The following PTPRT variants were observed in gnomAD, a reference collection of about 807,000 sequenced individuals.
PTPRT encodes receptor-type tyrosine-protein phosphatase T.
Under a neutral mutation model 176.8 loss-of-function variants are expected in PTPRT, and 56 were observed. The observed-to-expected ratio is 0.32, with a 90% CI of 0.26 to 0.40. The LOEUF (loss-of-function observed/expected upper bound fraction) is 0.40, where lower values mean the gene tolerates loss of function less well. PTPRT is among the 10% of genes least tolerant of loss of function. PTPRT has a pLI of 1.00. For synonymous variants in PTPRT, 783 were observed against 739.0 expected, an observed-to-expected ratio of 1.06 and a Z score of -0.96; for missense variants, 1,540 against 1,908.2, an observed-to-expected ratio of 0.81 and a Z score of 3.60.
In PTPRT at chr20:42,118,383, C is replaced by A. The variant is rs370382955; in HGVS notation, c.2982+20G>T. 15 of 1,587,782 alleles carry A rather than the reference C, an allele frequency of 9.4e-6. No homozygotes were observed. The highest frequency in any genetic ancestry group is 3.4e-5 in the Admixed American group (2 of 58,224). On this transcript the variant is annotated intron_variant, in intron 21 of 30. Transcript: ENST00000373187. ...GCATCTCCAGCATCCTCTGCCCAGG[C>A]GAGTGCAGGAGAGGCTTACCCTGCC...
intron 15 of PTPRT, among the ~76,000 whole-genome samples, chr20:42,231,085 C>A (rs1490392850): frequency 6.6e-6 from 1 of 152,220 alleles, no homozygotes; most frequent in East Asian, 1.9e-4. Flanking sequence ...ATCCCCAGGA[C>A]AGCAGAGACA....
intron 29 of PTPRT, among the ~76,000 whole-genome samples, chr20:42,083,598 G>A (rs1983574916): frequency 6.6e-6 from 1 of 152,172 alleles, no homozygotes; most frequent in Non-Finnish European, 1.5e-5. Context: ...CCTAACATGT[G>A]CATGCACCAC....
intron 6 of PTPRT, among the ~76,000 whole-genome samples, chr20:42,698,374 A>G (rs1342624648): frequency 2.0e-5 from 3 of 152,088 alleles, no homozygotes; most frequent in African/African-American, 7.2e-5. Context: ...TGCTTACAGG[A>G]CCCCTCTGAA....
At chr20:43,176,708 C>A (rs977936095) in intron 1 of PTPRT, among the ~76,000 whole-genome samples, 4 of 152,160 alleles carry the variant, frequency 2.6e-5, no homozygotes, top group Admixed American at 2.6e-4. Flanking sequence ...CCCCTGTTTT[C>A]TTTCCACAGA....
intron 13 of PTPRT, among the ~76,000 whole-genome samples, chr20:42,261,974 A>G (rs1167947472): frequency 2.0e-5 from 3 of 152,186 alleles, no homozygotes; most frequent in Non-Finnish European, 4.4e-5. Context: ...CAGGCAATCT[A>G]TAGGAAGGAT....
chr20:42,361,200 G>T (rs1336482191), intron 9 of PTPRT, among the ~76,000 whole-genome samples: 1 of 152,158 alleles, frequency 6.6e-6, no homozygotes, highest in Non-Finnish European at 1.5e-5. Flanking sequence ...TGCCAAGCAA[G>T]CCCAGAAGCT....
chr20:42,750,278 A>G (rs1043527688), intron 6 of PTPRT, among the ~76,000 whole-genome samples: 1 of 152,158 alleles, frequency 6.6e-6, no homozygotes, highest in Non-Finnish European at 1.5e-5. Context: ...ACATAATTTT[A>G]TACTTTCTAG....
In PTPRT at chr20:42,645,984, C is replaced by G. The variant is rs528974703; in HGVS notation, c.1153+31882G>C. Among the ~76,000 whole-genome samples the G allele has an allele frequency of 6.6e-5, 10 of 152,156 alleles. 1 individual carries two copies. In the South Asian group the frequency reaches 1.9e-3, roughly 28 times the overall value. On this transcript the variant is annotated intron_variant, in intron 7 of 30. Coordinates refer to ENST00000373187, the MANE Select transcript of PTPRT (RefSeq NM_007050.6). ...AAAAGAATCCATGTGAAGCACCTAC[C>G]ACTCTTCCTGGCTTGTAGTGAACAC... is the stretch of plus-strand genomic sequence containing the variant.
At chr20:42,214,546 T>G (rs1245687851) in intron 15 of PTPRT, among the ~76,000 whole-genome samples, 1 of 152,208 alleles carries the variant, frequency 6.6e-6, no homozygotes, top group East Asian at 1.9e-4. Flanking sequence ...CATGACAATT[T>G]GAAAGGCCAA....
At chr20:42,840,225 C>T (rs1036559692) in intron 2 of PTPRT, among the ~76,000 whole-genome samples, 2 of 151,534 alleles carry the variant, frequency 1.3e-5, no homozygotes, top group Admixed American at 6.6e-5. Context: ...TGCGTTGTCA[C>T]GTTTTTCTCC....
At chr20:43,084,374 G>A (rs1158944203) in intron 1 of PTPRT, among the ~76,000 whole-genome samples, 1 of 145,396 alleles carries the variant, frequency 6.9e-6, no homozygotes, top group Non-Finnish European at 1.5e-5. Flanking sequence ...AAGGGCTCAG[G>A]AAACTTACAA....
At chr20:42,823,729 T>C (rs1385708182) in intron 2 of PTPRT, among the ~76,000 whole-genome samples, 1 of 152,004 alleles carries the variant, frequency 6.6e-6, no homozygotes, top group Non-Finnish European at 1.5e-5. Flanking sequence ...TTATTCAATA[T>C]TGATTTGCAA....
intron 2 of PTPRT, among the ~76,000 whole-genome samples, chr20:42,793,114 G>A (rs1026015341): frequency 2.0e-5 from 3 of 152,076 alleles, no homozygotes; most frequent in African/African-American, 7.2e-5. Flanking sequence ...TGTACCAAAA[G>A]GTAGCCAGGT....
In PTPRT at chr20:42,861,874, C is replaced by CA. The variant is rs11441297; in HGVS notation, c.214+23932dup. On this transcript the variant is annotated intron_variant, in intron 2 of 30. Coordinates refer to ENST00000373187, the MANE Select transcript of PTPRT (RefSeq NM_007050.6). ...GTGTGGTTAAAAAAAAACAAAAAAC[C>CA]AAAAAAAAACAGACCAGGGTATCAC... 7.9e-3 allele frequency among the ~76,000 whole-genome samples: 1,176 copies of CA among 148,430 alleles called. 10 individuals are homozygous for CA. Among genetic ancestry groups the CA allele is most frequent in the East Asian group, 0.025 (126 of 5,054 alleles).
At position 43,090,560 on chromosome 20, in the gene PTPRT, G is replaced by A. The variant is rs182931468; in HGVS notation, c.88+99086C>T. Among the ~76,000 whole-genome samples, 20 of 152,146 alleles carry A rather than the reference G, an allele frequency of 1.3e-4. No individual in the cohort carries two copies. The East Asian group carries it at 1.5e-3, about 12-fold the overall frequency. On this transcript the variant is annotated intron_variant, in intron 1 of 30. Coordinates refer to ENST00000373187, the MANE Select transcript of PTPRT (RefSeq NM_007050.6). ...CGGGATTCCAGTCGTGAGCCACCGC[G>A]CCCAGCCACAGGTGACTATTTTTGA...
chr20:42,339,530 T>C (rs1379445338), intron 11 of PTPRT, among the ~76,000 whole-genome samples: 1 of 152,156 alleles, frequency 6.6e-6, no homozygotes, highest in African/African-American at 2.4e-5. Context: ...TGAGCAAATA[T>C]TGGTGCCATA....
intron 11 of PTPRT, among the ~76,000 whole-genome samples, chr20:42,337,007 T>C (rs1353858740): frequency 2.0e-5 from 3 of 152,170 alleles, no homozygotes; most frequent in Admixed American, 6.5e-5. Context: ...CTTCAGTCAC[T>C]GGGCAAGGGG....
chr20:42,437,134 G>A (rs940078530), intron 9 of PTPRT, among the ~76,000 whole-genome samples: 6 of 152,212 alleles, frequency 3.9e-5, no homozygotes, highest in Admixed American at 6.5e-5. Context: ...AATGTTAGGT[G>A]TTGTCAGCAT....
chr20:42,910,877 G>A (rs1383261573), intron 1 of PTPRT, among the ~76,000 whole-genome samples: 1 of 152,166 alleles, frequency 6.6e-6, no homozygotes, highest in Non-Finnish European at 1.5e-5. Flanking sequence ...TGGCTGGGGA[G>A]GCCTCAAAAA....
Sources: gnomAD v4.1 joint callset for allele counts (sites outside exome capture counted in the v4.1 genomes callset) on GRCh38, gnomAD v4.1.1 for gene constraint, MANE v1.5 for transcripts, NCBI Gene and HGNC (gene_info 2026-07-23, HGNC 2026-07-21) for gene names.